PIK3CB: variants seen among roughly 807,000 people sequenced by gnomAD.
The protein encoded by PIK3CB is phosphatidylinositol 4,5-bisphosphate 3-kinase catalytic subunit beta isoform.
Under a neutral mutation model 136.8 loss-of-function variants are expected in PIK3CB, and 39 were observed. The ratio of observed to expected loss-of-function variants is 0.29; its 90% CI spans 0.22 to 0.37. The LOEUF (loss-of-function observed/expected upper bound fraction) is 0.37, where lower values mean the gene tolerates loss of function less well. Ranked by LOEUF, PIK3CB falls within the 10% of genes least tolerant of loss-of-function variation. The pLI is 1.00. For synonymous variants in PIK3CB, 428 were observed against 436.6 expected (o/e 0.98, Z 0.25); for missense variants, 868 against 1,275.4 (o/e 0.68, Z 4.87).
Position 138,759,268 on chromosome 3 carries a change from A to G in PIK3CB, c.76T>C (p.Ser26Pro). Reference protein sequence around the residue: ...DIWAVDSQIASDGSIPVDFLL... With the variant: ...DIWAVDSQIAPDGSIPVDFLL... ...AAATCCACAGGTATGGAGCCATCAG[A>G]TGCTATCTGTGAATCCACCGCCCAG... is the stretch of plus-strand genomic sequence containing the variant. The change falls in exon 3 of 24, where the codon TCT (serine) becomes CCT (proline). Residue 26 changes from serine (S) to proline (P), a missense_variant. This residue lies in a region of PIK3CB where 612 missense variants were observed against 801.1 expected (regional missense o/e 0.76). Transcript: ENST00000674063. 1.2e-6 allele frequency: 2 copies of G among 1,613,220 alleles called. No individual in the cohort carries two copies. Among genetic ancestry groups the G allele is most frequent in the South Asian group, 1.1e-5 (1 of 91,048 alleles).
chr3:138,810,787 G>A (rs1351531088), intron 1 of PIK3CB, among the ~76,000 whole-genome samples: 4 of 152,094 alleles, frequency 2.6e-5, no homozygotes, highest in Non-Finnish European at 4.4e-5. Context: ...GGGCATGGTG[G>A]CAGGCGCCTG....
chr3:138,704,509 A>G lies in PIK3CB; in HGVS notation c.1531-16T>C, dbSNP rs1253669059. 3 of 1,564,874 alleles carry G rather than the reference A, an allele frequency of 1.9e-6. No individual in the cohort carries two copies. The highest frequency in any genetic ancestry group is 1.8e-6 in the Non-Finnish European group (2 of 1,135,900). Reference sequence around the variant, plus strand: ...TTTCAATAATCTGTTTAAAAAAATTAAAGAAAATGAATTTTGGCTCTCATA... The same window carrying G: ...TTTCAATAATCTGTTTAAAAAAATTGAAGAAAATGAATTTTGGCTCTCATA... On this transcript the variant is annotated splice_polypyrimidine_tract_variant and intron_variant, in intron 11 of 23. Transcript: ENST00000674063.
intron 1 of PIK3CB, among the ~76,000 whole-genome samples, chr3:138,820,418 C>A (rs1933510644): frequency 6.6e-6 from 1 of 152,188 alleles, no homozygotes; most frequent in African/African-American, 2.4e-5. Flanking sequence ...TGTAACCACA[C>A]CTTTGTGGTT....
At chr3:138,752,489 TACTC>T (rs1001463683) in intron 4 of PIK3CB, among the ~76,000 whole-genome samples, 3 of 152,212 alleles carry the variant, frequency 2.0e-5, no homozygotes, top group Admixed American at 1.3e-4. Context: ...ATACACAACT[TACTC>T]AATTTCTTAA....
chr3:138,687,745 G>A lies in PIK3CB; in HGVS notation c.2136+1130C>T, dbSNP rs569292302. On this transcript the variant is annotated intron_variant, in intron 16 of 23. Transcript: ENST00000674063. ...GCTGGGTTTTCAGGTGTGAGCCACT[G>A]CATCTGGCCACAGTCTACATTTTTA... is the stretch of plus-strand genomic sequence containing the variant. 4.6e-5 allele frequency among the ~76,000 whole-genome samples: 7 copies of A among 152,304 alleles called. No homozygotes were observed. In the South Asian group the frequency reaches 1.4e-3, roughly 32 times the overall value.
intron 10 of PIK3CB, among the ~76,000 whole-genome samples, chr3:138,709,003 A>C (rs1380904694): frequency 1.3e-5 from 2 of 151,934 alleles, no homozygotes. Flanking sequence ...GGCTGGTCTC[A>C]ATCTCCTGGA....
intron 13 of PIK3CB, among the ~76,000 whole-genome samples, chr3:138,695,618 T>G (rs1231048486): frequency 2.0e-5 from 3 of 152,170 alleles, no homozygotes; most frequent in Non-Finnish European, 4.4e-5. Context: ...TAAATAAAAG[T>G]TAACTAATTT....
At chr3:138,737,392 C>T (rs1297897846) in intron 6 of PIK3CB, among the ~76,000 whole-genome samples, 19 of 74,558 alleles carry the variant, frequency 2.5e-4, no homozygotes, top group South Asian at 1.8e-3. Flanking sequence ...AACACTCTGT[C>T]TCAAAAAAAA....
intron 7 of PIK3CB, among the ~76,000 whole-genome samples, 165 bp downstream of exon 7, chr3:138,734,469 G>A (rs1276220750): frequency 6.6e-6 from 1 of 152,116 alleles, no homozygotes; most frequent in Non-Finnish European, 1.5e-5. Flanking sequence ...AAAAATAATA[G>A]TATCTAGAAA....
Position 138,684,775 on chromosome 3 carries a change from A to G in PIK3CB, c.2165T>C (p.Leu722Ser). 6.2e-7 allele frequency: 1 copy of G among 1,613,352 alleles called. No homozygotes were observed. The highest frequency in any genetic ancestry group is 8.5e-7 in the Non-Finnish European group (1 of 1,179,750). ...QVEALNKLKT[L>S]NSLIKLNAVK... ...GGCATTCAGTTTGATTAAACTATTT[A>G]AAGTTTTTAACTTATTGAGTGCTTC... Residue 722 changes from leucine to serine, a missense_variant, in exon 17 of 24, where the codon TTA (leucine) becomes TCA (serine). Physicochemically the swap from Leu to Ser is moderately radical, Grantham distance 145. This residue lies in a region of PIK3CB where 165 missense variants were observed against 295.4 expected (regional missense o/e 0.56). Coordinates refer to ENST00000674063, the MANE Select transcript of PIK3CB (RefSeq NM_006219.3).
chr3:138,777,872 C>T, intron 2 of PIK3CB: 1 of 243,532 alleles, frequency 4.1e-6, no homozygotes, highest in Non-Finnish European at 8.4e-6. Flanking sequence ...TTATTAGACA[C>T]CTGGTCACCA....
At position 138,755,857 on chromosome 3, in the gene PIK3CB, T is replaced by C. The variant is rs1365783707; in HGVS notation, c.294A>G (p.Arg98=). 1.9e-6 allele frequency: 3 copies of C among 1,612,310 alleles called. No homozygotes were observed. The highest frequency in any genetic ancestry group is 2.5e-6 in the Non-Finnish European group (3 of 1,178,646). Residue 98 remains arginine (R), a synonymous_variant, in exon 4 of 24, where the codon AGA becomes AGG. Transcript: ENST00000674063. ...GAAGAAAAGGTCTGACATCACAGAG[T>C]CTTCGTGTTTCATCTTCAAGCTCCT... ...VYEELEDETR[R]LCDVRPFLPV...
intron 8 of PIK3CB, among the ~76,000 whole-genome samples, chr3:138,716,989 C>T (rs1001752373): frequency 1.4e-5 from 2 of 147,956 alleles, no homozygotes; most frequent in Admixed American, 1.4e-4. Context: ...GGCACGGTGG[C>T]TCATGCCTGT....
chr3:138,658,402 A>C (rs2043228445), intron 21 of PIK3CB, among the ~76,000 whole-genome samples: 1 of 152,066 alleles, frequency 6.6e-6, no homozygotes, highest in Admixed American at 6.6e-5. Flanking sequence ...ATGGGCCATG[A>C]TGATGCCACT....
chr3:138,776,531 A>C (rs1380221726), intron 2 of PIK3CB, among the ~76,000 whole-genome samples: 2 of 151,932 alleles, frequency 1.3e-5, no homozygotes, highest in African/African-American at 4.8e-5. Flanking sequence ...TCTACAAAAA[A>C]ATACAAAAAA....
rs543396259 is a variant in PIK3CB at position 138,658,194 on chromosome 3, A to T, written c.2797-359T>A. On this transcript the variant is annotated intron_variant, in intron 21 of 23. Coordinates refer to ENST00000674063, the MANE Select transcript of PIK3CB (RefSeq NM_006219.3). Reference sequence around the variant, plus strand: ...TTGGTTGTGGTGGCTCATGTCTGCAATCCCAGCACTTTGGGAAGCTGAGGC... The same window carrying T: ...TTGGTTGTGGTGGCTCATGTCTGCATTCCCAGCACTTTGGGAAGCTGAGGC... Among the ~76,000 whole-genome samples, 3 of 152,304 alleles carry T rather than the reference A, an allele frequency of 2.0e-5. No homozygotes were observed. In the South Asian group the frequency reaches 6.2e-4, roughly 32 times the overall value.
intron 8 of PIK3CB, among the ~76,000 whole-genome samples, chr3:138,727,106 G>T (rs2044855965): frequency 6.6e-6 from 1 of 152,034 alleles, no homozygotes; most frequent in African/African-American, 2.4e-5. Context: ...TGATCAGGAA[G>T]CTATATGCTA....
chr3:138,660,905 A>G (rs1359773893), intron 21 of PIK3CB, among the ~76,000 whole-genome samples: 1 of 152,246 alleles, frequency 6.6e-6, no homozygotes, highest in Non-Finnish European at 1.5e-5. Flanking sequence ...TGAAAATTCT[A>G]TGTACATGGT....
chr3:138,665,026 A>G lies in PIK3CB; in HGVS notation c.2672+10T>C, dbSNP rs374431428. 30 of 1,586,070 alleles carry G rather than the reference A, an allele frequency of 1.9e-5. No homozygotes were observed. The African/African-American group carries it at 3.8e-4, about 20-fold the overall frequency. ...TACAGAAAAATGATAATTAAACAGA[A>G]TAAACTAACCCAGAGTTGTATTCTT... is the stretch of plus-strand genomic sequence containing the variant. On this transcript the variant is annotated intron_variant, in intron 20 of 23. Transcript: ENST00000674063.
Sources: allele counts gnomAD v4.1 joint callset (sites outside exome capture counted in the v4.1 genomes callset), GRCh38; gene constraint gnomAD v4.1.1; regional missense constraint gnomAD v4.1.1; transcripts MANE v1.5; gene names NCBI Gene and HGNC (gene_info 2026-07-23, HGNC 2026-07-21).